The following LIMCH1 variants were observed in gnomAD, a reference collection of about 807,000 sequenced individuals.
LIMCH1 encodes LIM and calponin homology domains 1, also known as LIM and calponin homology domains-containing protein 1.
A neutral mutation model predicts 176.5 loss-of-function variants in LIMCH1; 113 were observed. The ratio of observed to expected loss-of-function variants is 0.64; its 90% confidence interval spans 0.55 to 0.75. LIMCH1 has a LOEUF of 0.75. LIMCH1 is among the 30% of genes least tolerant of loss of function. The probability of loss-of-function intolerance (pLI) is 0.00; values close to 1 mark genes in which losing one functional copy is unlikely to be tolerated. For synonymous variants in LIMCH1, 619 were observed against 645.9 expected (o/e 0.96, Z 0.63); for missense variants, 1,674 against 1,814.9 (o/e 0.92, Z 1.41).
chr4:41,524,873 C>T (rs2076467503), intron 3 of LIMCH1, among the ~76,000 whole-genome samples: 1 of 152,126 alleles, frequency 6.6e-6, no homozygotes, highest in Admixed American at 6.6e-5. Flanking sequence ...AGAAAACAGT[C>T]GTTTTATAAT....
At chr4:41,652,726 A>G (rs1165785536) in intron 18 of LIMCH1, among the ~76,000 whole-genome samples, 2 of 152,190 alleles carry the variant, frequency 1.3e-5, no homozygotes, top group South Asian at 2.1e-4. Flanking sequence ...CATTGATTAC[A>G]TATCCCCCAA....
At chr4:41,560,192 C>T (rs987067542) in intron 1 of LIMCH1, among the ~76,000 whole-genome samples, 2 of 152,132 alleles carry the variant, frequency 1.3e-5, no homozygotes, top group Non-Finnish European at 2.9e-5. Context: ...GCACTCACCC[C>T]TCCATCTAGT....
At chr4:41,587,124 A>G (rs1306424680) in intron 1 of LIMCH1, among the ~76,000 whole-genome samples, 2 of 152,184 alleles carry the variant, frequency 1.3e-5, no homozygotes, top group East Asian at 3.8e-4. Flanking sequence ...ATAAAGCAAA[A>G]CCAAATTTGA....
Position 41,360,914 on chromosome 4 carries a change from C to T in LIMCH1, c.74C>T (p.Ser25Phe). ...GAGCCGCCCCCCGAGCCCGCCTTCT[C>T]CGAGGCGCAGAAGTGGATTGAGGTA... Residue 25 changes from serine to phenylalanine, a missense_variant, in exon 1 of 27, where the codon TCC becomes TTC. By Grantham distance (155) the Ser-to-Phe change is radical. Coordinates refer to the LIMCH1 transcript ENST00000313860. This position sits in a 1 kb window ranked among gnomAD's most constrained non-coding sequence, Gnocchi z 4.5. 1 of 1,587,000 alleles carries T rather than the reference C, an allele frequency of 6.3e-7. No individual in the cohort carries two copies. Among genetic ancestry groups the T allele is most frequent in the Non-Finnish European group, 8.5e-7 (1 of 1,169,924 alleles).
At chr4:41,419,128 A>G (rs199879218) in intron 1 of LIMCH1, among the ~76,000 whole-genome samples, 6 of 3,096 alleles carry the variant, frequency 1.9e-3, no homozygotes, top group East Asian at 8.8e-3. Context: ...GTTTTGTTTT[A>G]TTTTATTTTA....
At chr4:41,481,975 T>C (rs976621414) in intron 1 of LIMCH1, among the ~76,000 whole-genome samples, 2 of 151,970 alleles carry the variant, frequency 1.3e-5, no homozygotes, top group Non-Finnish European at 2.9e-5. Flanking sequence ...CTCAGCCTCC[T>C]GAATAGCTGG....
In LIMCH1 at chr4:41,570,664, A is replaced by G. The variant is rs1307951179; in HGVS notation, c.-240-28256A>G. ...ATTTTGTGGCAAAGAAATGTTTAGT[A>G]GGTAGCTCTGGGCGGACAAGAGGGA... is the stretch of plus-strand genomic sequence containing the variant. On this transcript the variant is annotated intron_variant, in intron 1 of 31. Transcript: ENST00000503057. Among the ~76,000 whole-genome samples the G allele has an allele frequency of 2.7e-4, 41 of 152,338 alleles. 1 individual carries two copies. The highest frequency in any genetic ancestry group is 2.7e-3 in the Admixed American group (41 of 15,306).
intron 1 of LIMCH1, among the ~76,000 whole-genome samples, chr4:41,370,543 A>G (rs1406989755): frequency 6.6e-6 from 1 of 152,058 alleles, no homozygotes; most frequent in African/African-American, 2.4e-5. Context: ...TTGCCTGTGG[A>G]GCTGAATGTT....
chr4:41,510,808 C>T (rs1393574827), intron 2 of LIMCH1, among the ~76,000 whole-genome samples: 1 of 152,082 alleles, frequency 6.6e-6, no homozygotes, highest in Non-Finnish European at 1.5e-5. Flanking sequence ...AGGCTGGTCT[C>T]GAACTCCTGC....
intron 1 of LIMCH1, among the ~76,000 whole-genome samples, chr4:41,437,534 CA>C (rs1398734859): frequency 2.6e-5 from 4 of 152,162 alleles, no homozygotes; most frequent in Non-Finnish European, 5.9e-5. Context: ...AGAATTAAAG[CA>C]CAATTTTACA....
chr4:41,437,306 C>G (rs1264533588), intron 1 of LIMCH1, among the ~76,000 whole-genome samples: 5 of 152,198 alleles, frequency 3.3e-5, no homozygotes, highest in Non-Finnish European at 7.3e-5. Context: ...GTGCAAGGAG[C>G]CTGAGCTGGA....
rs530566639 is a variant in LIMCH1 at position 41,546,133 on chromosome 4, T to C, written c.-241+7783T>C. 5.3e-5 allele frequency among the ~76,000 whole-genome samples: 8 copies of C among 152,148 alleles called. No individual in the cohort carries two copies. In the East Asian group the frequency reaches 1.5e-3, roughly 29 times the overall value. On this transcript the variant is annotated intron_variant, in intron 1 of 31. Transcript: ENST00000503057. ...CATGTAGAGTAGAAAGAAGCCTTCA[T>C]TGGTCTGTTTTTTTTGTTTTTTTGA...
intron 1 of LIMCH1, among the ~76,000 whole-genome samples, chr4:41,383,954 A>C (rs1315442693): frequency 3.3e-5 from 5 of 152,230 alleles, no homozygotes; most frequent in African/African-American, 1.2e-4. Context: ...TGTTGAAGAC[A>C]ACTAATAGTA....
chr4:41,382,073 G>A (rs1342782614), intron 1 of LIMCH1, among the ~76,000 whole-genome samples: 1 of 152,224 alleles, frequency 6.6e-6, no homozygotes, highest in Non-Finnish European at 1.5e-5. Flanking sequence ...AAGATCAGCA[G>A]TGCTACCTAG....
At chr4:41,689,268 A>C (rs1245528933) in intron 29 of LIMCH1, among the ~76,000 whole-genome samples, 2 of 152,210 alleles carry the variant, frequency 1.3e-5, no homozygotes, top group Non-Finnish European at 2.9e-5. Flanking sequence ...TTCTTGAAAC[A>C]AATAACCTAA....
intron 1 of LIMCH1, among the ~76,000 whole-genome samples, chr4:41,576,913 A>G (rs577410355): frequency 2.6e-5 from 4 of 152,308 alleles, no homozygotes; most frequent in African/African-American, 9.6e-5. Flanking sequence ...TTGACTGTTG[A>G]TAATACACTG....
chr4:41,584,332 G>C (rs1024182716), intron 1 of LIMCH1, among the ~76,000 whole-genome samples: 1 of 152,154 alleles, frequency 6.6e-6, no homozygotes, highest in African/African-American at 2.4e-5. Context: ...GGTTTTAGAT[G>C]ATGAGCCACA....
At chr4:41,367,765 G>A (rs1419105291) in intron 1 of LIMCH1, among the ~76,000 whole-genome samples, 3 of 149,208 alleles carry the variant, frequency 2.0e-5, no homozygotes, top group Non-Finnish European at 4.4e-5. Context: ...TACTCGGAAC[G>A]CTGAAACAGG....
intron 1 of LIMCH1, among the ~76,000 whole-genome samples, chr4:41,578,581 T>A (rs2084879834): frequency 6.6e-6 from 1 of 152,176 alleles, no homozygotes; most frequent in African/African-American, 2.4e-5. Context: ...CTTGGCCAAT[T>A]TGATGGGTAA....
Sources: allele counts gnomAD v4.1 joint callset (sites outside exome capture counted in the v4.1 genomes callset), GRCh38; gene constraint gnomAD v4.1.1; non-coding constraint Gnocchi (gnomAD v3.1); transcripts MANE v1.5; gene names NCBI Gene and HGNC (gene_info 2026-07-23, HGNC 2026-07-21).